Variants in APP observed in about 807,000 individuals in gnomAD.
The protein encoded by APP is amyloid beta precursor protein.
A neutral mutation model predicts 101.4 loss-of-function variants in APP; 31 were observed. The ratio of observed to expected loss-of-function variants is 0.31; its 90% CI spans 0.23 to 0.41. The LOEUF is 0.41. APP is among the 10% of genes least tolerant of loss of function. APP has a pLI of 1.00. For missense variants in APP, 839 were observed against 1,003.7 expected (o/e 0.84, Z 2.22); for synonymous variants, 366 against 364.4 (o/e 1.00, Z -0.05).
At chr21:26,126,199 C>T (rs2062680733) in intron 1 of APP, among the ~76,000 whole-genome samples, 1 of 152,192 alleles carries the variant, frequency 6.6e-6, no homozygotes, top group South Asian at 2.1e-4. Flanking sequence ...GATAACATCA[C>T]ATAGATTCTG....
chr21:26,088,735 G>A (rs2146106941), intron 3 of APP, among the ~76,000 whole-genome samples: 1 of 152,210 alleles, frequency 6.6e-6, no homozygotes, highest in South Asian at 2.1e-4. Flanking sequence ...ACTTTTTGAT[G>A]AACCAGAAAA....
chr21:26,058,599 A>G (rs1285884629), intron 3 of APP, among the ~76,000 whole-genome samples: 1 of 152,188 alleles, frequency 6.6e-6, no homozygotes, highest in Non-Finnish European at 1.5e-5. Context: ...TAACTTCCCA[A>G]TCCATGACAT....
intron 9 of APP, among the ~76,000 whole-genome samples, chr21:25,981,479 A>G (rs2042427221): frequency 6.6e-6 from 1 of 152,226 alleles, no homozygotes; most frequent in African/African-American, 2.4e-5. Flanking sequence ...AAGTGACTGG[A>G]AAATAATAAG....
chr21:26,077,264 G>A (rs1434983418), intron 3 of APP, among the ~76,000 whole-genome samples: 1 of 151,068 alleles, frequency 6.6e-6, no homozygotes, highest in Admixed American at 6.6e-5. Flanking sequence ...TAAACTCTGT[G>A]CTTAAATAAC....
chr21:25,960,142 C>T (rs1227385516), intron 11 of APP, among the ~76,000 whole-genome samples: 5 of 152,114 alleles, frequency 3.3e-5, no homozygotes, highest in Non-Finnish European at 7.3e-5. Flanking sequence ...TATATGCCTT[C>T]TAAGCTGTAT....
At chr21:26,091,813 T>C (rs1173212150) in intron 2 of APP, among the ~76,000 whole-genome samples, 3 of 152,066 alleles carry the variant, frequency 2.0e-5, no homozygotes, top group African/African-American at 7.2e-5. Flanking sequence ...TTCCCACCTC[T>C]AGGGGCAACG....
intron 6 of APP, among the ~76,000 whole-genome samples, chr21:26,013,249 A>G (rs1244224297): frequency 6.6e-6 from 1 of 151,804 alleles, no homozygotes; most frequent in East Asian, 1.9e-4. Context: ...CCCGGGAGGC[A>G]GAGGTTGCAG....
chr21:25,936,531 G>A (rs113080760), intron 13 of APP, among the ~76,000 whole-genome samples: 92 of 152,296 alleles, frequency 6.0e-4, no homozygotes, highest in African/African-American at 2.1e-3. Context: ...CAACAAGAGC[G>A]AAACTCTGTC....
At chr21:25,901,327 A>G (rs1184656664) in intron 15 of APP, among the ~76,000 whole-genome samples, 4 of 144,298 alleles carry the variant, frequency 2.8e-5, no homozygotes, top group Admixed American at 7.0e-5. Context: ...AACAAAACCA[A>G]GAGCTCTCCA....
intron 1 of APP, among the ~76,000 whole-genome samples, chr21:26,114,430 G>T (rs1480889895): frequency 2.0e-5 from 3 of 152,162 alleles, no homozygotes; most frequent in African/African-American, 7.2e-5. Context: ...TAACTTCCGA[G>T]CATGTATATA....
In APP at chr21:25,881,406, A is replaced by T. The variant is rs201729905; in HGVS notation, c.*264T>A. The T allele has an allele frequency of 1.9e-6, 1 of 527,608 alleles. No individual in the cohort carries two copies. 32.7% of individuals were successfully genotyped at this position (527,608 alleles called of 1,614,324 possible). On this transcript the variant is annotated 3_prime_UTR_variant, in exon 18 of 18. Transcript: ENST00000346798. ...GAATCTATTCATGCACTAGTTTGAT[A>T]CAGCTAAATTCTTTACAGTACACAA...
chr21:26,063,885 A>C (rs554258685), intron 3 of APP, among the ~76,000 whole-genome samples: 1 of 152,340 alleles, frequency 6.6e-6, no homozygotes, highest in South Asian at 2.1e-4. Context: ...GAAACTCAAC[A>C]ACCACCACCT....
At chr21:25,950,702 A>G (rs2041037836) in intron 13 of APP, among the ~76,000 whole-genome samples, 1 of 151,710 alleles carries the variant, frequency 6.6e-6, no homozygotes, top group African/African-American at 2.4e-5. Context: ...GAAAAGGAGG[A>G]ATTGAAGTGG....
intron 1 of APP, among the ~76,000 whole-genome samples, chr21:26,162,329 CAA>C (rs1265977551): frequency 1.3e-5 from 2 of 152,196 alleles, no homozygotes; most frequent in Non-Finnish European, 2.9e-5. Context: ...CGAAAACAAA[CAA>C]AACCAAACAC....
At chr21:25,897,962 T>C in intron 15 of APP, 2 of 436,152 alleles carry the variant, frequency 4.6e-6, no homozygotes, top group Admixed American at 3.9e-5. Context: ...AGTTAAATCC[T>C]GGTTGAGAGG....
intron 8 of APP, among the ~76,000 whole-genome samples, chr21:25,982,917 G>C (rs2042491475): frequency 6.8e-6 from 1 of 146,288 alleles, no homozygotes; most frequent in Admixed American, 7.0e-5. Context: ...GCCTGTTGTA[G>C]AATAACGGCA....
chr21:25,954,477 G>T, intron 13 of APP, 113 bp downstream of exon 13: 2 of 952,282 alleles, frequency 2.1e-6, no homozygotes, highest in Non-Finnish European at 1.7e-6. Flanking sequence ...CATCGTAAAA[G>T]GCAAGCTGTT....
chr21:26,085,221 T>G (rs1201905372), intron 3 of APP, among the ~76,000 whole-genome samples: 1 of 152,370 alleles, frequency 6.6e-6, no homozygotes, highest in East Asian at 1.9e-4. Flanking sequence ...AGGAGTCTGA[T>G]GTCTCTCCAA....
chr21:25,934,088 T>C (rs923400644), intron 13 of APP: 2 of 151,910 alleles, frequency 1.3e-5, no homozygotes, highest in Non-Finnish European at 2.9e-5. Context: ...AACAGAGACA[T>C]GGGGAGTAAC....
Sources: allele counts gnomAD v4.1 joint callset (sites outside exome capture counted in the v4.1 genomes callset), GRCh38; gene constraint gnomAD v4.1.1; transcripts MANE v1.5; gene names NCBI Gene and HGNC (gene_info 2026-07-23, HGNC 2026-07-21).